Variants in LUZP1 observed in about 807,000 individuals in gnomAD.
LUZP1 encodes the protein leucine zipper protein 1.
Under a neutral mutation model 71.3 loss-of-function variants are expected in LUZP1, and 25 were observed. The observed-to-expected ratio is 0.35, with a 90% confidence interval of 0.26 to 0.49. The LOEUF is 0.49. Among genes scored for constraint, LUZP1 ranks in the 20% least tolerant of loss-of-function variants. The pLI, the probability that LUZP1 is intolerant of heterozygous loss-of-function variation, is 0.99. For missense variants in LUZP1, 1,142 were observed against 1,300.8 expected, an observed-to-expected ratio of 0.88 and a Z score of 1.88; for synonymous variants, 481 against 506.4, an observed-to-expected ratio of 0.95 and a Z score of 0.67.
In LUZP1 at chr1:23,172,139, A is replaced by G. The variant is rs143878699; in HGVS notation, c.-484-3115T>C. Among the ~76,000 whole-genome samples, 100 of 152,332 alleles carry G rather than the reference A, an allele frequency of 6.6e-4. 1 individual carries two copies. Among genetic ancestry groups the G allele is most frequent in the African/African-American group, 2.2e-3 (90 of 41,588 alleles). On this transcript the variant is annotated intron_variant, in intron 1 of 4. Coordinates refer to ENST00000302291, the Ensembl canonical transcript of LUZP1. The stretch of plus-strand genomic sequence containing the variant: ...CCTGGCACCTAGTTCATGCCAGGAT[A>G]TAGTGGTTGCTGTTACTATTTGAAC...
exon 5 of LUZP1, chr1:23,086,286 G>A (rs1643763664): frequency 6.6e-6 from 1 of 152,564 alleles, no homozygotes; most frequent in African/African-American, 2.4e-5. Context: ...GCAATGCTGA[G>A]GACACTTAAA....
chr1:23,112,415 T>C (rs1229564402), intron 2 of LUZP1, among the ~76,000 whole-genome samples: 1 of 152,178 alleles, frequency 6.6e-6, no homozygotes, highest in Non-Finnish European at 1.5e-5. Flanking sequence ...TCCTTACAGA[T>C]CACAGAGTCC....
chr1:23,176,774 G>A (rs1644584505), intron 1 of LUZP1, among the ~76,000 whole-genome samples: 1 of 152,190 alleles, frequency 6.6e-6, no homozygotes, highest in South Asian at 2.1e-4. Flanking sequence ...TAACAGCTGG[G>A]GCTTTGCAGA....
chr1:23,174,626 T>C (rs1424378384), intron 1 of LUZP1, among the ~76,000 whole-genome samples: 2 of 152,170 alleles, frequency 1.3e-5, no homozygotes, highest in African/African-American at 4.8e-5. Flanking sequence ...CATTATATCT[T>C]TCTGCAATTT....
At chr1:23,086,441 T>C (rs1043263768) in exon 5 of LUZP1, 1 of 152,590 alleles carries the variant, frequency 6.6e-6, no homozygotes, top group Non-Finnish European at 1.5e-5. Flanking sequence ...ACAGGACATT[T>C]TGAGTAGCAG....
chr1:23,144,759 AG>A (rs1644329600), intron 2 of LUZP1, among the ~76,000 whole-genome samples: 2 of 152,318 alleles, frequency 1.3e-5, no homozygotes, highest in African/African-American at 4.8e-5. Context: ...CAAATACCAC[AG>A]GTTAGTCCTG....
rs756822982 is a variant in LUZP1, at chr1:23,093,075, T to G, written c.1187A>C (p.Gln396Pro). 12 of 1,614,058 alleles carry G rather than the reference T, an allele frequency of 7.4e-6. No homozygotes were observed. Among genetic ancestry groups the G allele is most frequent in the Non-Finnish European group, 8.5e-7 (1 of 1,180,010 alleles). Residue 396 changes from glutamine (Q) to proline (P), a missense_variant, in exon 4 of 5, where the codon CAG becomes CCG. Gln to Pro is a moderately conservative substitution (Grantham distance 76, BLOSUM62 -1). Coordinates refer to ENST00000302291, the Ensembl canonical transcript of LUZP1. The surrounding 1 kb of genome is among the most constrained non-coding windows in gnomAD (Gnocchi z 4.2). ...GTTCCGGAGTCGTTCCCGCTTATGC[T>G]GAGGAGACAGTTCCCGCGCTGTGTG... is the stretch of plus-strand genomic sequence containing the variant.
intron 3 of LUZP1, among the ~76,000 whole-genome samples, chr1:23,100,962 C>T (rs1363396828): frequency 6.6e-6 from 1 of 152,180 alleles, no homozygotes; most frequent in Non-Finnish European, 1.5e-5. Flanking sequence ...AGTCTCCTGA[C>T]TCTATGTTCA....
chr1:23,103,908 A>G (rs1458471747), intron 3 of LUZP1, among the ~76,000 whole-genome samples: 4 of 13,122 alleles, frequency 3.0e-4, no homozygotes, highest in Non-Finnish European at 5.0e-4. Context: ...GGGAGGGGGG[A>G]AGGAGGGAGG....
chr1:23,165,332 T>C (rs548672153), intron 2 of LUZP1, among the ~76,000 whole-genome samples: 2 of 152,238 alleles, frequency 1.3e-5, no homozygotes, highest in Admixed American at 6.5e-5. Flanking sequence ...GTGAATTTTA[T>C]TGTATGTAAA....
intron 2 of LUZP1, among the ~76,000 whole-genome samples, chr1:23,146,460 C>T (rs1409751317): frequency 6.6e-6 from 1 of 152,194 alleles, no homozygotes; most frequent in African/African-American, 2.4e-5. Context: ...GTCTCAGTGT[C>T]CTCATGTGTA....
chr1:23,111,824 C>G (rs1441079704), intron 2 of LUZP1, among the ~76,000 whole-genome samples: 2 of 151,526 alleles, frequency 1.3e-5, no homozygotes, highest in Non-Finnish European at 2.9e-5. Flanking sequence ...CACACACACA[C>G]TCATCTTCTT....
At chr1:23,110,807 T>A (rs1350383539) in intron 2 of LUZP1, among the ~76,000 whole-genome samples, 1 of 152,190 alleles carries the variant, frequency 6.6e-6, no homozygotes, top group Non-Finnish European at 1.5e-5. Flanking sequence ...GAAAAGAATT[T>A]TTTTTTGTAG....
chr1:23,176,192 G>A (rs2148228966), intron 1 of LUZP1, among the ~76,000 whole-genome samples: 1 of 151,940 alleles, frequency 6.6e-6, no homozygotes, highest in African/African-American at 2.4e-5. Context: ...CTCCCGAGTA[G>A]CTGGGATTAT....
intron 2 of LUZP1, among the ~76,000 whole-genome samples, chr1:23,111,185 G>A (rs1644028839): frequency 8.7e-6 from 1 of 115,538 alleles, no homozygotes; most frequent in South Asian, 3.1e-4. Flanking sequence ...GGGCGACACA[G>A]TGAGACGCTG....
At chr1:23,159,511 G>GT (rs1275383639) in intron 2 of LUZP1, among the ~76,000 whole-genome samples, 2 of 152,198 alleles carry the variant, frequency 1.3e-5, no homozygotes, top group African/African-American at 4.8e-5. Context: ...TTCCTCATCT[G>GT]TAAAATGGGG....
chr1:23,150,591 A>C (rs1644375899), intron 2 of LUZP1, among the ~76,000 whole-genome samples: 1 of 152,170 alleles, frequency 6.6e-6, no homozygotes, highest in African/African-American at 2.4e-5. Flanking sequence ...GGTAGAAAAG[A>C]ATGGGACTGA....
intron 2 of LUZP1, among the ~76,000 whole-genome samples, chr1:23,138,553 A>G (rs1644272675): frequency 6.6e-6 from 1 of 152,062 alleles, no homozygotes; most frequent in Admixed American, 6.6e-5. Context: ...GGTGATAAAA[A>G]TGTTCTGAAA....
intron 2 of LUZP1, among the ~76,000 whole-genome samples, chr1:23,114,009 T>C (rs1209813831): frequency 6.6e-6 from 1 of 152,170 alleles, no homozygotes; most frequent in East Asian, 1.9e-4. Flanking sequence ...ATTTTTTTAA[T>C]TCACTGAATG....
Sources: gnomAD v4.1 joint callset for allele counts (sites outside exome capture counted in the v4.1 genomes callset) on GRCh38, gnomAD v4.1.1 for gene constraint, Gnocchi (gnomAD v3.1) non-coding constraint, MANE v1.5 for transcripts, NCBI Gene and HGNC (gene_info 2026-07-23, HGNC 2026-07-21) for gene names.